The following POLQ variants were observed in gnomAD, a reference collection of about 807,000 sequenced individuals.
The protein encoded by POLQ is epididymis secretory sperm binding protein.
A neutral mutation model predicts 259.2 loss-of-function variants in POLQ; 233 were observed. That is an observed-to-expected ratio of 0.90 (90% CI 0.81 to 1.00). POLQ has a LOEUF of 1.00. Among genes scored for constraint, POLQ ranks in the 50% least tolerant of loss-of-function variants. The pLI is 0.00. For synonymous variants in POLQ, 1,025 were observed against 1,048.8 expected, an observed-to-expected ratio of 0.98 and a Z score of 0.44; for missense variants, 2,871 against 3,051.6, an observed-to-expected ratio of 0.94 and a Z score of 1.39.
At position 121,536,956 on chromosome 3, in the gene POLQ, CA is replaced by C. The variant is rs2048455712; in HGVS notation, c.740+143del. 4.2e-5 allele frequency: 25 copies of C among 593,118 alleles called. 2 individuals are homozygous for C. In the South Asian group the frequency reaches 5.0e-4, roughly 12 times the overall value. 36.7% of individuals were successfully genotyped at this position (593,118 alleles called of 1,614,324 possible). On this transcript the variant is annotated intron_variant, in intron 5 of 29. Coordinates refer to ENST00000264233, the MANE Select transcript of POLQ (RefSeq NM_199420.4). ...ACCATGCCTGGACTGACTTCTGGAA[CA>C]AAAACAAACTACTATACATAAGTTT...
chr3:121,446,108 G>A (rs2047630569), intron 26 of POLQ, among the ~76,000 whole-genome samples: 2 of 151,340 alleles, frequency 1.3e-5, no homozygotes, highest in Non-Finnish European at 2.9e-5. Context: ...CACTGCTTTT[G>A]CTGTATCCCA....
chr3:121,443,712 A>G (rs1193319734), intron 26 of POLQ, among the ~76,000 whole-genome samples: 2 of 152,166 alleles, frequency 1.3e-5, no homozygotes, highest in African/African-American at 4.8e-5. Context: ...GTTTTCTTGT[A>G]GCAGTTGCAC....
At chr3:121,484,947 A>C in intron 17 of POLQ, 94 bp downstream of exon 17, 1 of 978,502 alleles carries the variant, frequency 1.0e-6, no homozygotes, top group Non-Finnish European at 1.5e-6. Flanking sequence ...AATCCTAGGT[A>C]AATATCAGGA....
intron 8 of POLQ, 125 bp downstream of exon 8, chr3:121,521,877 AT>A (rs2108813241): frequency 2.9e-6 from 2 of 690,778 alleles, no homozygotes; most frequent in East Asian, 3.3e-5. Flanking sequence ...AGCCCACACA[AT>A]TTCTTAAAAA....
At chr3:121,517,217 A>G (rs939469211) in intron 9 of POLQ, among the ~76,000 whole-genome samples, 2 of 152,200 alleles carry the variant, frequency 1.3e-5, no homozygotes, top group Non-Finnish European at 2.9e-5. Flanking sequence ...AGAGGTAGGC[A>G]AATAGGAATG....
At chr3:121,469,315 A>T (rs12634017) in intron 22 of POLQ, among the ~76,000 whole-genome samples, 105,184 of 152,110 alleles carry the variant, frequency 0.69, 36,556 homozygotes, top group East Asian at 0.89. Context: ...AAAGTTTGAG[A>T]AATTTTGTTA....
At position 121,488,170 on chromosome 3, in the gene POLQ, A is replaced by G; in HGVS notation, c.4761T>C (p.Ser1587=). Residue 1587 remains serine (S), a synonymous_variant, in exon 16 of 30, where the codon TCT becomes TCC. Coordinates refer to ENST00000264233, the MANE Select transcript of POLQ (RefSeq NM_199420.4). The part of the protein sequence containing the change: ...PVQEKNHTVV[S]PRALELSDPV... Reference sequence around the variant, plus strand: ...GATCACTTAGTTCTAATGCTCTAGGAGATACTACAGTATGATTCTTCTCTT... The same window carrying G: ...GATCACTTAGTTCTAATGCTCTAGGGGATACTACAGTATGATTCTTCTCTT... The G allele has an allele frequency of 1.9e-6, 3 of 1,613,484 alleles. No homozygotes were observed. Among genetic ancestry groups the G allele is most frequent in the Non-Finnish European group, 2.5e-6 (3 of 1,179,666 alleles).
intron 24 of POLQ, among the ~76,000 whole-genome samples, chr3:121,466,363 CAAAA>C (rs751087085): frequency 2.1e-5 from 2 of 94,148 alleles, no homozygotes; most frequent in Non-Finnish European, 4.2e-5. Context: ...GACTCCGTCT[CAAAA>C]AAAAAAAAAA....
At chr3:121,440,932 T>TAA (rs958548496) in intron 26 of POLQ, among the ~76,000 whole-genome samples, 1 of 148,582 alleles carries the variant, frequency 6.7e-6, no homozygotes, top group African/African-American at 2.5e-5. Flanking sequence ...CTTCTTAAAA[T>TAA]AAAAAAAAAA....
intron 5 of POLQ, among the ~76,000 whole-genome samples, 196 bp downstream of exon 5, chr3:121,536,904 A>G (rs919428004): frequency 6.6e-6 from 1 of 152,110 alleles, no homozygotes; most frequent in African/African-American, 2.4e-5. Flanking sequence ...TCAGCCTTCC[A>G]AAGTGCTGGG....
At chr3:121,457,590 T>G (rs2108782643) in intron 25 of POLQ, among the ~76,000 whole-genome samples, 1 of 152,266 alleles carries the variant, frequency 6.6e-6, no homozygotes, top group East Asian at 1.9e-4. Context: ...AAACAGACAC[T>G]TCTCAAAAGA....
At chr3:121,484,077 T>TA (rs1406431638) in intron 17 of POLQ, among the ~76,000 whole-genome samples, 10 of 151,942 alleles carry the variant, frequency 6.6e-5, no homozygotes. Context: ...GTTTCCTTAT[T>TA]AATTTTGCTC....
At chr3:121,445,273 G>A (rs915689680) in intron 26 of POLQ, among the ~76,000 whole-genome samples, 4 of 152,014 alleles carry the variant, frequency 2.6e-5, no homozygotes, top group East Asian at 1.9e-4. Flanking sequence ...TTATGGCTTC[G>A]ATCTCATTAT....
chr3:121,509,858 A>C (rs939412349), intron 11 of POLQ, among the ~76,000 whole-genome samples, 155 bp from the exon 12 acceptor site: 1 of 152,244 alleles, frequency 6.6e-6, no homozygotes, highest in African/African-American at 2.4e-5. Context: ...AGCAGGCTCT[A>C]TCATAATGGT....
chr3:121,493,637 C>A lies in POLQ; in HGVS notation c.2363G>T (p.Gly788Val). 6.2e-7 allele frequency: 1 copy of A among 1,614,024 alleles called. No individual in the cohort carries two copies. Among genetic ancestry groups the A allele is most frequent in the Non-Finnish European group, 8.5e-7 (1 of 1,179,940 alleles). The change falls in exon 15 of 30, where the codon GGC (glycine) becomes GTC (valine). Residue 788 changes from glycine to valine, a missense_variant. By Grantham distance (109) the Gly-to-Val change is moderately radical. Transcript: ENST00000264233. ...LSQFQKRLTF[G>V]IQRELCDLVR... is the part of the protein sequence containing the mutation. The stretch of plus-strand genomic sequence containing the variant: ...CAGGTCACACAGCTCCCTCTGGATG[C>A]CAAACGTAAGACGCTTCTGAAATTG...
chr3:121,489,795 T>C lies in POLQ; in HGVS notation c.3136A>G (p.Lys1046Glu). The C allele has an allele frequency of 1.2e-6, 2 of 1,612,902 alleles. No homozygotes were observed. The highest frequency in any genetic ancestry group is 1.7e-5 in the Admixed American group (1 of 59,850). ...CTGTCCCTAGATCGCTTTAGATGCT[T>C]TCTACGTTTCCAAGATCGAAAACTT... Reference protein sequence around the residue: ...SRSFRSWKRRKHLKRSRDSSP... With the variant: ...SRSFRSWKRREHLKRSRDSSP... Residue 1046 changes from lysine (K) to glutamate (E), a missense_variant, in exon 16 of 30, where the codon AAG (lysine) becomes GAG (glutamate). By Grantham distance (56) the Lys-to-Glu change is moderately conservative. This residue lies in a region of POLQ where 2,080 missense variants were observed against 2,126.0 expected (regional missense o/e 0.98). Transcript: ENST00000264233.
At chr3:121,499,119 AAGAC>A (rs2048146891) in intron 12 of POLQ, among the ~76,000 whole-genome samples, 1 of 152,130 alleles carries the variant, frequency 6.6e-6, no homozygotes, top group Non-Finnish European at 1.5e-5. Context: ...TTAAAATAAA[AAGAC>A]AAAGGCCTCA....
intron 26 of POLQ, among the ~76,000 whole-genome samples, chr3:121,442,668 A>G (rs538561112): frequency 7.0e-4 from 106 of 152,146 alleles, no homozygotes; most frequent in Middle Eastern, 3.4e-3. Context: ...GTACCTGTAC[A>G]TTTTCTTTAT....
chr3:121,491,622 G>C (rs1026100503), intron 15 of POLQ, among the ~76,000 whole-genome samples: 2 of 152,126 alleles, frequency 1.3e-5, no homozygotes, highest in East Asian at 3.8e-4. Context: ...AGTCAGAAGA[G>C]AGTTAAGAGT....
Sources: allele counts gnomAD v4.1 joint callset (sites outside exome capture counted in the v4.1 genomes callset), GRCh38; gene constraint gnomAD v4.1.1; regional missense constraint gnomAD v4.1.1; transcripts MANE v1.5; gene names NCBI Gene and HGNC (gene_info 2026-07-23, HGNC 2026-07-21).